The following MON2 variants were observed in gnomAD, a reference collection of about 807,000 sequenced individuals.
The protein encoded by MON2 is protein MON2 homolog.
In MON2, 84 loss-of-function variants were observed where a neutral mutation model predicts 208.6. The ratio of observed to expected loss-of-function variants is 0.40; its 90% CI spans 0.34 to 0.48. The LOEUF (loss-of-function observed/expected upper bound fraction) is 0.48, where lower values mean the gene tolerates loss of function less well. Among genes scored for constraint, MON2 ranks in the 20% least tolerant of loss-of-function variants. The probability of loss-of-function intolerance (pLI) is 0.59; values close to 1 mark genes in which losing one functional copy is unlikely to be tolerated. For missense variants in MON2, 1,611 were observed against 2,015.4 expected (o/e 0.80, Z 3.84); for synonymous variants, 660 against 694.0 (o/e 0.95, Z 0.77).
At chr12:62,500,705 A>C in intron 5 of MON2, 78 bp from the exon 6 acceptor site, 4 of 669,038 alleles carry the variant, frequency 6.0e-6, no homozygotes, top group Non-Finnish European at 9.9e-6. Flanking sequence ...TTTATTTTAA[A>C]CATTATCTTT....
In MON2 at chr12:62,580,310, T is replaced by C. The variant is rs1198937784; in HGVS notation, c.4589T>C (p.Ile1530Thr). ...CTTTTGTTTTAGGTAGTTCAACTTA[T>C]CAGCAATGAGATACTACCTTATGCC... is the stretch of plus-strand genomic sequence containing the variant. ...ENIDVEVVQLISNEILPYANF... is the reference protein window; with the variant it reads ...ENIDVEVVQLTSNEILPYANF... The change falls in exon 32 of 35, where the codon ATC becomes ACC. Residue 1530 changes from isoleucine to threonine, a missense_variant. Ile to Thr is a moderately conservative substitution (Grantham distance 89). Transcript: ENST00000393630. 6.2e-7 allele frequency: 1 copy of C among 1,610,678 alleles called. No individual in the cohort carries two copies. Among genetic ancestry groups the C allele is most frequent in the Non-Finnish European group, 8.5e-7 (1 of 1,178,112 alleles).
chr12:62,467,479 C>G (rs997918189), intron 1 of MON2, among the ~76,000 whole-genome samples, 161 bp downstream of exon 1: 1 of 152,182 alleles, frequency 6.6e-6, no homozygotes, highest in Non-Finnish European at 1.5e-5. Flanking sequence ...ATAGTTTCCA[C>G]TGGAGAGGGC....
chr12:62,495,682 T>C (rs1261603451), intron 4 of MON2, among the ~76,000 whole-genome samples: 1 of 108,484 alleles, frequency 9.2e-6, no homozygotes, highest in Non-Finnish European at 1.8e-5. Context: ...AGAGTGAGAC[T>C]CCGTCTCAAA....
At chr12:62,578,639 G>A in intron 31 of MON2, 134 bp downstream of exon 31, 1 of 576,854 alleles carries the variant, frequency 1.7e-6, no homozygotes, top group South Asian at 2.8e-5. Flanking sequence ...AACTCTTACA[G>A]GTTAAACGTT....
chr12:62,556,258 C>T (rs1007107637), intron 25 of MON2, 66 bp downstream of exon 25: 18 of 1,414,902 alleles, frequency 1.3e-5, no homozygotes, highest in East Asian at 2.4e-5. Flanking sequence ...AAAATACAGA[C>T]GATTCTTTTA....
chr12:62,525,851 A>G, intron 10 of MON2, 98 bp from the exon 11 acceptor site: 1 of 1,127,408 alleles, frequency 8.9e-7, no homozygotes, highest in South Asian at 1.5e-5. Context: ...GATAGCACAG[A>G]AATTTTTTTT....
chr12:62,469,689 T>C (rs1292271596), intron 1 of MON2, among the ~76,000 whole-genome samples: 1 of 152,134 alleles, frequency 6.6e-6, no homozygotes, highest in Non-Finnish European at 1.5e-5. Flanking sequence ...TCTGTTAAAT[T>C]AATAAGAGTG....
In MON2 at chr12:62,596,563, C is replaced by T. The variant is rs996612006; in HGVS notation, c.*3814C>T. On this transcript the variant is annotated 3_prime_UTR_variant, in exon 35 of 35. Transcript: ENST00000393630. ...TAAGCTAATCTTGTATAAAGCATCACATTTTACTATGCTTAGTGTTCCTGG... is the reference window on the plus strand; with the variant it reads ...TAAGCTAATCTTGTATAAAGCATCATATTTTACTATGCTTAGTGTTCCTGG... 1 of 152,154 alleles carries T rather than the reference C, an allele frequency of 6.6e-6. No homozygotes were observed. Among genetic ancestry groups the T allele is most frequent in the Non-Finnish European group, 1.5e-5 (1 of 68,024 alleles). 9.4% of individuals were successfully genotyped at this position (152,154 alleles called of 1,614,324 possible). A position where few individuals can be genotyped will look rare whatever the true frequency, so the allele number is the denominator to read the frequency against.
At chr12:62,467,500 T>C (rs2068575662) in intron 1 of MON2, among the ~76,000 whole-genome samples, 182 bp downstream of exon 1, 1 of 152,182 alleles carries the variant, frequency 6.6e-6, no homozygotes, top group Admixed American at 6.5e-5. Context: ...TGAGGCACTT[T>C]GATTTTCTCC....
intron 19 of MON2, among the ~76,000 whole-genome samples, chr12:62,542,015 C>G (rs1195999030): frequency 1.3e-5 from 2 of 151,944 alleles, no homozygotes; most frequent in Admixed American, 1.3e-4. Context: ...ACATAGGTTA[C>G]CCAAGGTTAT....
chr12:62,580,180 T>C, intron 31 of MON2, 117 bp from the exon 32 acceptor site: 1 of 967,926 alleles, frequency 1.0e-6, no homozygotes, highest in Non-Finnish European at 1.5e-6. Flanking sequence ...TGTACTTCTT[T>C]AAAGGAGAGT....
rs778981267 is a variant in MON2 at position 62,580,439 on chromosome 12, G to A, written c.4699+19G>A. On this transcript the variant is annotated intron_variant, in intron 32 of 34. Coordinates refer to ENST00000393630, the MANE Select transcript of MON2 (RefSeq NM_015026.3). ...TTTACAGGTATGTTAATTTTTTTAAGTATTAAAAAGTATTGAAGTACTTTT... is the reference window on the plus strand; with the variant it reads ...TTTACAGGTATGTTAATTTTTTTAAATATTAAAAAGTATTGAAGTACTTTT... 16 of 1,552,728 alleles carry A rather than the reference G, an allele frequency of 1.0e-5. No homozygotes were observed. The South Asian group carries it at 1.6e-4, about 16-fold the overall frequency.
rs369169319 is a variant in MON2, at chr12:62,513,473, G to A, written c.984+4993G>A. On this transcript the variant is annotated intron_variant, in intron 8 of 34. Coordinates refer to ENST00000393630, the MANE Select transcript of MON2 (RefSeq NM_015026.3). ...ACTCCTGACCTCAAGCAACCCACCC[G>A]CCTCGGCCTCCCAAAGTGCTGGGAT... is the stretch of plus-strand genomic sequence containing the variant. Among the ~76,000 whole-genome samples the A allele has an allele frequency of 3.3e-5, 5 of 151,846 alleles. No homozygotes were observed. The East Asian group carries it at 7.8e-4, about 24-fold the overall frequency.
At chr12:62,513,242 G>A (rs1451240700) in intron 8 of MON2, among the ~76,000 whole-genome samples, 2 of 152,048 alleles carry the variant, frequency 1.3e-5, no homozygotes, top group African/African-American at 2.4e-5. Context: ...TTTTGCGGGG[G>A]AGGGATGGAG....
intron 8 of MON2, among the ~76,000 whole-genome samples, chr12:62,520,690 T>A (rs1280883276): frequency 6.6e-6 from 1 of 151,812 alleles, no homozygotes; most frequent in African/African-American, 2.4e-5. Flanking sequence ...ATCCCAGCAC[T>A]TTAGGAGACC....
intron 23 of MON2, among the ~76,000 whole-genome samples, chr12:62,551,723 A>C (rs2073756269): frequency 6.6e-6 from 1 of 152,260 alleles, no homozygotes; most frequent in Middle Eastern, 3.2e-3. Flanking sequence ...GCATCTCTGT[A>C]ATGAAATCTT....
rs890004733 is a variant in MON2 at position 62,598,777 on chromosome 12, C to G, written c.*6028C>G. 2 of 152,048 alleles carry G rather than the reference C, an allele frequency of 1.3e-5. No individual in the cohort carries two copies. The highest frequency in any genetic ancestry group is 4.8e-5 in the African/African-American group (2 of 41,412). 9.4% of individuals were successfully genotyped at this position (152,048 alleles called of 1,614,324 possible). ...TCATGAAATTGTATTGGCCTCAAAC[C>G]CAAATTTTCTTTGTAGTCTAGGATA... On this transcript the variant is annotated 3_prime_UTR_variant, in exon 35 of 35. Coordinates refer to ENST00000393630, the MANE Select transcript of MON2 (RefSeq NM_015026.3).
intron 23 of MON2, among the ~76,000 whole-genome samples, chr12:62,552,413 G>C (rs899679148): frequency 6.6e-6 from 1 of 151,602 alleles, no homozygotes; most frequent in Non-Finnish European, 1.5e-5. Flanking sequence ...TTTAACCATT[G>C]GCATAATTAT....
At position 62,524,542 on chromosome 12, in the gene MON2, C is replaced by T. The variant is rs773313461; in HGVS notation, c.1012C>T (p.Leu338Phe). The T allele has an allele frequency of 6.2e-7, 1 of 1,611,698 alleles. No individual in the cohort carries two copies. The highest frequency in any genetic ancestry group is 8.5e-7 in the Non-Finnish European group (1 of 1,177,960). Residue 338 changes from leucine (L) to phenylalanine (F), a missense_variant, in exon 9 of 35, where the codon CTT becomes TTT. By Grantham distance (22) the Leu-to-Phe change is conservative. Transcript: ENST00000393630. ...LVTECEIFLS[L>F]LVKFLDADKP... ...AACTGAATGTGAGATATTTCTGTCACTTCTGGTGAAATTTCTGGATGCAGA... is the reference window on the plus strand; with the variant it reads ...AACTGAATGTGAGATATTTCTGTCATTTCTGGTGAAATTTCTGGATGCAGA...
Sources: gnomAD v4.1 joint callset for allele counts (sites outside exome capture counted in the v4.1 genomes callset) on GRCh38, gnomAD v4.1.1 for gene constraint, MANE v1.5 for transcripts, NCBI Gene and HGNC (gene_info 2026-07-23, HGNC 2026-07-21) for gene names.